The following IL1RAPL1 variants were observed in gnomAD, a reference collection of about 807,000 sequenced individuals.
IL1RAPL1 encodes the protein interleukin 1 receptor accessory protein like 1, also known as interleukin-1 receptor accessory protein-like 1.
IL1RAPL1 carries 3 observed loss-of-function variants against 48.4 expected under a neutral mutation model. The observed-to-expected ratio is 0.06, with a 90% CI of 0.03 to 0.16. The LOEUF is 0.16. IL1RAPL1 is among the 10% of genes least tolerant of loss of function. The probability of loss-of-function intolerance (pLI) is 1.00; values close to 1 mark genes in which losing one functional copy is unlikely to be tolerated. For missense variants in IL1RAPL1, 349 were observed against 530.6 expected, an observed-to-expected ratio of 0.66 and a Z score of 3.36; for synonymous variants, 185 against 187.7, an observed-to-expected ratio of 0.99 and a Z score of 0.12.
intron 1 of IL1RAPL1, among the ~76,000 whole-genome samples, chrX:28,675,549 A>G (rs183942828): frequency 1.5e-3 from 172 of 112,259 alleles, no homozygotes; most frequent in South Asian, 6.3e-3. Flanking sequence ...AACCCAAGCC[A>G]ATACAGATAG....
At chrX:29,675,775 G>C (rs770002092) in intron 6 of IL1RAPL1, among the ~76,000 whole-genome samples, 19 of 111,028 alleles carry the variant, frequency 1.7e-4, no homozygotes, top group Non-Finnish European at 3.6e-4. Flanking sequence ...ATTTTTAGTA[G>C]AGACGGGGTT....
At chrX:29,261,370 T>C (rs755950732) in intron 2 of IL1RAPL1, among the ~76,000 whole-genome samples, 60 of 111,561 alleles carry the variant, frequency 5.4e-4, no homozygotes, top group Non-Finnish European at 1.0e-3. Flanking sequence ...ATGTTTTTAA[T>C]CTAAGTTTCC....
chrX:29,195,530 A>G (rs2147529944), intron 2 of IL1RAPL1, among the ~76,000 whole-genome samples: 1 of 108,037 alleles, frequency 9.3e-6, no homozygotes, highest in East Asian at 2.9e-4. Context: ...TATCGTCCAA[A>G]AGTTTGTTCA....
intron 3 of IL1RAPL1, among the ~76,000 whole-genome samples, chrX:29,359,293 T>C (rs1933346695): frequency 9.0e-6 from 1 of 111,349 alleles, no homozygotes; most frequent in African/African-American, 3.3e-5. Context: ...TCACCAATAC[T>C]CAGTCCCTTT....
intron 2 of IL1RAPL1, among the ~76,000 whole-genome samples, chrX:28,800,816 TATATTAAAGGGCCTTTGC>T (rs1166181001): frequency 9.0e-6 from 1 of 110,536 alleles, no homozygotes. Flanking sequence ...ACAAAATCAG[TATATTAAAGGGCCTTTGC>T]ATATTAAAGG....
intron 6 of IL1RAPL1, among the ~76,000 whole-genome samples, chrX:29,900,319 A>G (rs1296394657): frequency 8.9e-6 from 1 of 112,504 alleles, no homozygotes; most frequent in Admixed American, 9.4e-5. Flanking sequence ...TTGAAAACTA[A>G]TAAATCTAAT....
Position 29,925,412 on chromosome X carries a change from GTTTTTTTTTTTTT to G in IL1RAPL1, c.1057+5339_1057+5351del, listed in dbSNP as rs763481708. 0.019 allele frequency among the ~76,000 whole-genome samples: 212 copies of G among 11,441 alleles called. 6 individuals are homozygous for G. The East Asian group carries it at 0.25, about 13-fold the overall frequency. The allele number at this position is 11,441 out of a possible 115,157, so 9.9% of individuals were successfully genotyped here. A position where few individuals can be genotyped will look rare whatever the true frequency, so the allele number is the denominator to read the frequency against. On this transcript the variant is annotated intron_variant, in intron 8 of 10. Transcript: ENST00000378993. ...CAAAATTTTCTTCTGTCCCGTAACTGTTTTTTTTTTTTTTTTTTTTTTTTTTTTTTTTTGCTGG... is the reference window on the plus strand; with the variant it reads ...CAAAATTTTCTTCTGTCCCGTAACTGTTTTTTTTTTTTTTTTTTTTGCTGG...
intron 2 of IL1RAPL1, among the ~76,000 whole-genome samples, chrX:28,961,004 C>T (rs1184824913): frequency 6.4e-5 from 3 of 46,872 alleles, no homozygotes; most frequent in African/African-American, 2.0e-4. Context: ...AGCGAGACTC[C>T]GTCTCAAAAA....
At chrX:29,329,886 A>G (rs1008582167) in intron 3 of IL1RAPL1, among the ~76,000 whole-genome samples, 3 of 111,208 alleles carry the variant, frequency 2.7e-5, no homozygotes, top group Non-Finnish European at 5.7e-5. Flanking sequence ...ATGCTGAGCT[A>G]AAGAAGGCAG....
At chrX:29,279,671 C>G (rs987807679) in intron 2 of IL1RAPL1, among the ~76,000 whole-genome samples, 5 of 111,395 alleles carry the variant, frequency 4.5e-5, no homozygotes, top group African/African-American at 1.6e-4. Flanking sequence ...TTCATTTTGC[C>G]TCTAACTTTT....
intron 9 of IL1RAPL1, among the ~76,000 whole-genome samples, chrX:29,944,677 C>A (rs1294586570): frequency 9.0e-6 from 1 of 111,596 alleles, no homozygotes; most frequent in East Asian, 2.8e-4. Flanking sequence ...TTCTCTTTTA[C>A]TCTTGTTTAA....
In IL1RAPL1 at chrX:29,862,491, C is replaced by T. The variant is rs150961085; in HGVS notation, c.779-54973C>T. 1.7e-3 allele frequency among the ~76,000 whole-genome samples: 194 copies of T among 111,123 alleles called. 1 individual carries two copies. The highest frequency in any genetic ancestry group is 6.0e-3 in the African/African-American group (182 of 30,549). ...CGGCAGAAAGTACTATAGGCAAAAACGTGTGATTTACTAGCTATCCAAAGC... is the reference window on the plus strand; with the variant it reads ...CGGCAGAAAGTACTATAGGCAAAAATGTGTGATTTACTAGCTATCCAAAGC... On this transcript the variant is annotated intron_variant, in intron 6 of 10. Coordinates refer to ENST00000378993, the MANE Select transcript of IL1RAPL1 (RefSeq NM_014271.4).
At chrX:28,771,908 G>A (rs1490169830) in intron 1 of IL1RAPL1, among the ~76,000 whole-genome samples, 3 of 92,480 alleles carry the variant, frequency 3.2e-5, no homozygotes, top group Non-Finnish European at 6.2e-5. Context: ...TCCGCAGTCC[G>A]GCCTGGGCGA....
chrX:28,780,333 ATGTGTGTGTGTGTG>A (rs1171085384), intron 1 of IL1RAPL1, among the ~76,000 whole-genome samples: 7 of 96,504 alleles, frequency 7.3e-5, no homozygotes, highest in African/African-American at 2.3e-4. Context: ...GTGTGTGTGT[ATGTGTGTGTGTGTG>A]TGTGTGTGTG....
chrX:28,762,786 G>GCGCGCGCGCACA (rs1366464632), intron 1 of IL1RAPL1, among the ~76,000 whole-genome samples: 1 of 62,999 alleles, frequency 1.6e-5, no homozygotes, highest in African/African-American at 6.3e-5. Flanking sequence ...GCACGCGCGC[G>GCGCGCGCGCACA]CACACACACA....
chrX:29,038,647 G>A (rs1926779409), intron 2 of IL1RAPL1, among the ~76,000 whole-genome samples: 3 of 111,773 alleles, frequency 2.7e-5, no homozygotes, highest in Non-Finnish European at 5.6e-5. Context: ...ATATACTGTT[G>A]AGACTTTTTC....
intron 1 of IL1RAPL1, among the ~76,000 whole-genome samples, chrX:28,772,213 A>T (rs1008881345): frequency 1.8e-5 from 2 of 111,214 alleles, no homozygotes; most frequent in Non-Finnish European, 3.8e-5. Context: ...TAACATTAAT[A>T]TGGTTCTTTA....
chrX:28,603,685 G>A (rs1396984921), intron 1 of IL1RAPL1, among the ~76,000 whole-genome samples: 3 of 111,855 alleles, frequency 2.7e-5, no homozygotes, highest in African/African-American at 9.7e-5. Context: ...GAAGAAGAAA[G>A]GGAGAAAGAA....
intron 6 of IL1RAPL1, among the ~76,000 whole-genome samples, chrX:29,702,262 A>C (rs1287823507): frequency 9.1e-6 from 1 of 109,454 alleles, no homozygotes; most frequent in Non-Finnish European, 1.9e-5. Flanking sequence ...AAAAAAAAAA[A>C]AAAAAACCTT....
Sources: allele counts gnomAD v4.1 joint callset (sites outside exome capture counted in the v4.1 genomes callset), GRCh38; gene constraint gnomAD v4.1.1; transcripts MANE v1.5; gene names NCBI Gene and HGNC (gene_info 2026-07-23, HGNC 2026-07-21).